Variants in PRKCB observed in about 807,000 individuals in gnomAD.
PRKCB encodes protein kinase C beta type.
Under a neutral mutation model 81.5 loss-of-function variants are expected in PRKCB, and 13 were observed. The ratio of observed to expected loss-of-function variants is 0.16; its 90% CI spans 0.10 to 0.25. The LOEUF (loss-of-function observed/expected upper bound fraction) is 0.25, where lower values mean the gene tolerates loss of function less well. Ranked by LOEUF, PRKCB falls within the 10% of genes least tolerant of loss-of-function variation. The pLI, the probability that PRKCB is intolerant of heterozygous loss-of-function variation, is 1.00. For synonymous variants in PRKCB, 335 were observed against 321.4 expected, an observed-to-expected ratio of 1.04 and a Z score of -0.45; for missense variants, 509 against 875.7, an observed-to-expected ratio of 0.58 and a Z score of 5.29.
At chr16:23,845,807 T>A (rs76583739) in intron 2 of PRKCB, among the ~76,000 whole-genome samples, 1 of 152,234 alleles carries the variant, frequency 6.6e-6, no homozygotes, top group Non-Finnish European at 1.5e-5. Flanking sequence ...ATAACTCAGA[T>A]AATGAGCTGA....
intron 2 of PRKCB, among the ~76,000 whole-genome samples, chr16:23,983,387 A>G (rs1020468400): frequency 3.9e-5 from 6 of 152,100 alleles, no homozygotes; most frequent in Non-Finnish European, 5.9e-5. Flanking sequence ...CACTTGGCCT[A>G]TTGATTCTGC....
chr16:24,219,719 C>T lies in PRKCB; in HGVS notation c.*4903C>T. The stretch of plus-strand genomic sequence containing the variant: ...ACACACACACCACTTTATGGCAATT[C>T]TTAACTGACATTCAATGACTTACTT... On this transcript the variant is annotated 3_prime_UTR_variant, in exon 17 of 17. Transcript: ENST00000643927. 1 of 1,301,204 alleles carries T rather than the reference C, an allele frequency of 7.7e-7. No homozygotes were observed. The highest frequency in any genetic ancestry group is 9.8e-7 in the Non-Finnish European group (1 of 1,019,804). 80.6% of individuals were successfully genotyped at this position (1,301,204 alleles called of 1,614,324 possible).
chr16:23,934,179 C>T (rs73538870), intron 2 of PRKCB, among the ~76,000 whole-genome samples: 3,306 of 152,136 alleles, frequency 0.022, 131 homozygotes, highest in African/African-American at 0.075. Context: ...AGTTAGGTCA[C>T]GTGTAGAGAA....
At chr16:23,912,914 T>G (rs1025057121) in intron 2 of PRKCB, among the ~76,000 whole-genome samples, 1 of 151,998 alleles carries the variant, frequency 6.6e-6, no homozygotes, top group Non-Finnish European at 1.5e-5. Context: ...AGCCTCGAAC[T>G]CCTGGGCTCA....
chr16:23,981,087 T>A (rs1964694814), intron 2 of PRKCB, among the ~76,000 whole-genome samples: 1 of 152,074 alleles, frequency 6.6e-6, no homozygotes, highest in African/African-American at 2.4e-5. Context: ...TTTCCTGGCC[T>A]AAAATGGCAC....
At chr16:24,041,201 C>T (rs1965693690) in intron 5 of PRKCB, among the ~76,000 whole-genome samples, 1 of 150,180 alleles carries the variant, frequency 6.7e-6, no homozygotes, top group African/African-American at 2.5e-5. Flanking sequence ...AGGCGCATGC[C>T]ACCATGGCCG....
At position 23,856,569 on chromosome 16, in the gene PRKCB, G is replaced by A. The variant is rs556815232; in HGVS notation, c.205+19163G>A. ...GACAGGGTCTTTGTCTGTCGCACAG[G>A]CTGGAGTGCAGTGGTACAATCATAG... On this transcript the variant is annotated intron_variant, in intron 2 of 16. Transcript: ENST00000643927. 5.8e-4 allele frequency among the ~76,000 whole-genome samples: 88 copies of A among 151,758 alleles called. 2 individuals are homozygous for A. In the South Asian group the frequency reaches 0.016, roughly 28 times the overall value.
intron 2 of PRKCB, among the ~76,000 whole-genome samples, chr16:23,852,260 T>C (rs996263667): frequency 6.6e-6 from 1 of 152,222 alleles, no homozygotes; most frequent in Admixed American, 6.5e-5. Flanking sequence ...ATAGAGCCCA[T>C]AGTGTTTATT....
chr16:24,101,176 T>C (rs973178490), intron 7 of PRKCB, among the ~76,000 whole-genome samples: 5 of 152,162 alleles, frequency 3.3e-5, no homozygotes, highest in Admixed American at 2.0e-4. Flanking sequence ...AATATGTTAG[T>C]TTTACAAAGG....
In PRKCB at chr16:24,194,025, A is replaced by T. The variant is rs138270225; in HGVS notation, c.1863+2795A>T. Among the ~76,000 whole-genome samples, 232 of 152,278 alleles carry T rather than the reference A, an allele frequency of 1.5e-3. 1 individual carries two copies. Among genetic ancestry groups the T allele is most frequent in the African/African-American group, 5.3e-3 (220 of 41,544 alleles). On this transcript the variant is annotated intron_variant, in intron 16 of 16. Coordinates refer to ENST00000643927, the MANE Select transcript of PRKCB (RefSeq NM_002738.7). ...AAGGGTGTATAAAGTTAAGATGTTTATATAAAATCTCACAATTTTGGCTGG... is the reference window on the plus strand; with the variant it reads ...AAGGGTGTATAAAGTTAAGATGTTTTTATAAAATCTCACAATTTTGGCTGG...
chr16:23,969,695 T>C (rs966550792), intron 2 of PRKCB, among the ~76,000 whole-genome samples: 2 of 152,216 alleles, frequency 1.3e-5, no homozygotes, highest in Admixed American at 6.5e-5. Context: ...ATTATCATCA[T>C]CATCGTCACC....
At chr16:24,106,313 G>A (rs936279752) in intron 7 of PRKCB, among the ~76,000 whole-genome samples, 1 of 152,118 alleles carries the variant, frequency 6.6e-6, no homozygotes. Context: ...GGTGCCCAAT[G>A]TCTGCTAAAT....
chr16:23,962,334 C>G (rs1182751495), intron 2 of PRKCB, among the ~76,000 whole-genome samples: 1 of 152,214 alleles, frequency 6.6e-6, no homozygotes, highest in African/African-American at 2.4e-5. Flanking sequence ...CCATCTCTCC[C>G]TCATCCGTCC....
rs1968205487 is a variant in PRKCB, at chr16:24,215,150, CA to C, written c.*335del. 9.3e-7 allele frequency: 1 copy of C among 1,071,130 alleles called. No homozygotes were observed. Among genetic ancestry groups the C allele is most frequent in the Admixed American group, 4.7e-5 (1 of 21,156 alleles). 66.4% of individuals were successfully genotyped at this position (1,071,130 alleles called of 1,614,324 possible). A position where few individuals can be genotyped will look rare whatever the true frequency, so the allele number is the denominator to read the frequency against. ...CCCTCTTTTTCTGCACTGCCATATT[CA>C]CCCCCAACCATCCAATCTGTGGATA... On this transcript the variant is annotated 3_prime_UTR_variant, in exon 17 of 17. Transcript: ENST00000643927.
At chr16:23,943,961 G>C (rs1004986891) in intron 2 of PRKCB, among the ~76,000 whole-genome samples, 1 of 152,222 alleles carries the variant, frequency 6.6e-6, no homozygotes, top group Non-Finnish European at 1.5e-5. Flanking sequence ...ATTTTGTAGA[G>C]AGGTAAGGAC....
chr16:24,066,512 T>C (rs1351940462), intron 5 of PRKCB, among the ~76,000 whole-genome samples: 1 of 152,218 alleles, frequency 6.6e-6, no homozygotes, highest in African/African-American at 2.4e-5. Flanking sequence ...TACCTTTCAC[T>C]CAGTTTTCCA....
intron 9 of PRKCB, among the ~76,000 whole-genome samples, chr16:24,137,044 A>AT (rs11321761): frequency 0.094 from 13,106 of 139,516 alleles, 750 homozygotes; most frequent in East Asian, 0.23. Flanking sequence ...TGCCCGGCTA[A>AT]TTTTTTTTTT....
At chr16:24,096,870 T>C (rs1449114660) in intron 7 of PRKCB, among the ~76,000 whole-genome samples, 2 of 151,276 alleles carry the variant, frequency 1.3e-5, no homozygotes, top group Non-Finnish European at 2.9e-5. Flanking sequence ...GTCTCATATC[T>C]GAATTGTCTC....
intron 2 of PRKCB, among the ~76,000 whole-genome samples, chr16:23,969,125 G>A (rs968225304): frequency 1.8e-4 from 28 of 152,220 alleles, no homozygotes; most frequent in African/African-American, 2.4e-4. Flanking sequence ...AGCTGAGATC[G>A]CGCCACTGCA....
Sources: gnomAD v4.1 joint callset for allele counts (sites outside exome capture counted in the v4.1 genomes callset) on GRCh38, gnomAD v4.1.1 for gene constraint, MANE v1.5 for transcripts, NCBI Gene and HGNC (gene_info 2026-07-23, HGNC 2026-07-21) for gene names.